Variants in ZNF385D observed in about 807,000 individuals in gnomAD.
ZNF385D encodes the protein zinc finger protein 659.
A neutral mutation model predicts 35.8 loss-of-function variants in ZNF385D; 15 were observed. The observed-to-expected ratio is 0.42, with a 90% CI of 0.28 to 0.64. The LOEUF is 0.64. Ranked by LOEUF, ZNF385D falls within the 30% of genes least tolerant of loss-of-function variation. ZNF385D has a pLI of 0.23. For missense variants in ZNF385D, 474 were observed against 494.6 expected (o/e 0.96, Z 0.39); for synonymous variants, 212 against 186.8 (o/e 1.13, Z -1.10).
chr3:21,811,871 T>C (rs2072934711), intron 3 of ZNF385D, among the ~76,000 whole-genome samples: 1 of 152,192 alleles, frequency 6.6e-6, no homozygotes, highest in African/African-American at 2.4e-5. Flanking sequence ...GTGAATTGCA[T>C]AATGAATAGA....
intron 3 of ZNF385D, among the ~76,000 whole-genome samples, chr3:21,960,203 T>TACACACACACACACACACAAAC (rs61528907): frequency 6.7e-6 from 1 of 149,372 alleles, no homozygotes; most frequent in South Asian, 2.1e-4. Flanking sequence ...TAAACAGCAA[T>TACACACACACACACACACAAAC]ACACACACAC....
chr3:21,497,488 T>C (rs1705995653), intron 4 of ZNF385D, among the ~76,000 whole-genome samples: 1 of 152,168 alleles, frequency 6.6e-6, no homozygotes, highest in Non-Finnish European at 1.5e-5. Flanking sequence ...ATTGATAGAT[T>C]CAATGCTATT....
chr3:21,572,887 GC>G (rs2063375136), intron 2 of ZNF385D, among the ~76,000 whole-genome samples: 1 of 152,126 alleles, frequency 6.6e-6, no homozygotes. Flanking sequence ...ATGAGGCACT[GC>G]CCATAAGGAC....
intron 3 of ZNF385D, among the ~76,000 whole-genome samples, chr3:22,030,258 T>TAC (rs1697859622): frequency 2.0e-5 from 1 of 49,696 alleles, no homozygotes; most frequent in African/African-American, 9.7e-5. Flanking sequence ...AACTCATTCA[T>TAC]ATATATATAT....
chr3:22,214,536 C>T (rs1697735283), intron 2 of ZNF385D, among the ~76,000 whole-genome samples: 2 of 151,990 alleles, frequency 1.3e-5, no homozygotes, highest in Admixed American at 1.3e-4. Flanking sequence ...AGAAATACTG[C>T]TAAATTCTTT....
At chr3:21,942,951 A>G (rs1422746544) in intron 3 of ZNF385D, among the ~76,000 whole-genome samples, 3 of 152,226 alleles carry the variant, frequency 2.0e-5, no homozygotes, top group Non-Finnish European at 4.4e-5. Flanking sequence ...GTAAGATGTT[A>G]TAACTTAACC....
chr3:21,864,704 T>G (rs1389597939), intron 3 of ZNF385D, among the ~76,000 whole-genome samples: 1 of 152,126 alleles, frequency 6.6e-6, no homozygotes, highest in East Asian at 1.9e-4. Flanking sequence ...TGGGTTTGCC[T>G]GAAGATAACT....
At chr3:21,742,743 T>A (rs1381786142) in intron 1 of ZNF385D, among the ~76,000 whole-genome samples, 1 of 152,196 alleles carries the variant, frequency 6.6e-6, no homozygotes, top group African/African-American at 2.4e-5. Flanking sequence ...ACTACCAGTT[T>A]CTTGCGATTG....
chr3:22,102,566 T>C (rs1244859448), intron 3 of ZNF385D, among the ~76,000 whole-genome samples: 2 of 152,020 alleles, frequency 1.3e-5, no homozygotes, highest in Non-Finnish European at 2.9e-5. Flanking sequence ...CCAGGAAGAT[T>C]AGCAACTTCT....
intron 2 of ZNF385D, among the ~76,000 whole-genome samples, chr3:22,296,132 T>C (rs1177997892): frequency 6.6e-6 from 1 of 152,172 alleles, no homozygotes; most frequent in South Asian, 2.1e-4. Context: ...GATTATTTCA[T>C]TATGATGTCA....
intron 3 of ZNF385D, among the ~76,000 whole-genome samples, chr3:21,807,921 A>T (rs935701162): frequency 1.5e-4 from 23 of 152,194 alleles, no homozygotes; most frequent in African/African-American, 5.3e-4. Flanking sequence ...AATTTATAGA[A>T]GGAAATTGTT....
chr3:21,423,915 T>C, intron 7 of ZNF385D, 48 bp downstream of exon 7: 1 of 1,559,438 alleles, frequency 6.4e-7, no homozygotes, highest in Non-Finnish European at 8.8e-7. Flanking sequence ...AAGAAACCAA[T>C]AATTCCATTT....
At chr3:21,947,571 C>T (rs930284151) in intron 3 of ZNF385D, among the ~76,000 whole-genome samples, 2 of 152,096 alleles carry the variant, frequency 1.3e-5, no homozygotes, top group African/African-American at 4.8e-5. Flanking sequence ...AGTCTGGTCT[C>T]GAACTCCTGA....
intron 2 of ZNF385D, among the ~76,000 whole-genome samples, chr3:21,613,285 G>A (rs764556304): frequency 8.6e-5 from 13 of 151,662 alleles, no homozygotes; most frequent in Non-Finnish European, 1.6e-4. Context: ...AAAAATGCCT[G>A]GGGCTACCCC....
intron 3 of ZNF385D, among the ~76,000 whole-genome samples, chr3:22,002,245 T>C (rs1695887705): frequency 6.6e-6 from 1 of 151,132 alleles, no homozygotes; most frequent in South Asian, 2.1e-4. Flanking sequence ...AAAATCAAAA[T>C]TAAAAAAAAG....
Position 22,195,535 on chromosome 3 carries a change from C to T in ZNF385D, c.107-26500G>A, listed in dbSNP as rs149898094. On this transcript the variant is annotated intron_variant, in intron 2 of 5. Coordinates refer to the ZNF385D transcript ENST00000494108. Reference sequence around the variant, plus strand: ...TCATAAAGATTTTCTCGTATATGTTCTACTAAAAGTTTTATAGTTTTACAT... The same window carrying T: ...TCATAAAGATTTTCTCGTATATGTTTTACTAAAAGTTTTATAGTTTTACAT... Among the ~76,000 whole-genome samples, 99 of 152,040 alleles carry T rather than the reference C, an allele frequency of 6.5e-4. No individual in the cohort carries two copies. In the East Asian group the frequency reaches 0.012, roughly 19 times the overall value.
intron 1 of ZNF385D, among the ~76,000 whole-genome samples, chr3:21,727,611 A>G (rs898427799): frequency 6.6e-6 from 1 of 152,246 alleles, no homozygotes; most frequent in Non-Finnish European, 1.5e-5. Context: ...CAAAACCGCA[A>G]TGAGATACCA....
chr3:21,875,217 C>T (rs1258252893), intron 3 of ZNF385D, among the ~76,000 whole-genome samples: 1 of 151,726 alleles, frequency 6.6e-6, no homozygotes, highest in Non-Finnish European at 1.5e-5. Flanking sequence ...TTTACTTTCT[C>T]CTTTCCAATA....
chr3:22,267,856 A>G (rs1700974458), intron 2 of ZNF385D, among the ~76,000 whole-genome samples: 1 of 151,994 alleles, frequency 6.6e-6, no homozygotes. Context: ...TGTGAAAGGC[A>G]ATAAAAATCA....
Sources: allele counts gnomAD v4.1 joint callset (sites outside exome capture counted in the v4.1 genomes callset), GRCh38; gene constraint gnomAD v4.1.1; transcripts MANE v1.5; gene names NCBI Gene and HGNC (gene_info 2026-07-23, HGNC 2026-07-21).